The following ARHGAP32 variants were observed in gnomAD, a reference collection of about 807,000 sequenced individuals.
The protein encoded by ARHGAP32 is rho GTPase-activating protein 32.
Under a neutral mutation model 186.5 loss-of-function variants are expected in ARHGAP32, and 51 were observed. The ratio of observed to expected loss-of-function variants is 0.27; its 90% CI spans 0.22 to 0.35. The LOEUF is 0.35. ARHGAP32 is among the 10% of genes least tolerant of loss of function. ARHGAP32 has a pLI of 1.00. For missense variants in ARHGAP32, 2,186 were observed against 2,623.5 expected (o/e 0.83, Z 3.64); for synonymous variants, 950 against 964.3 (o/e 0.99, Z 0.27).
At chr11:129,155,138 T>C (rs1050282576) in intron 2 of ARHGAP32, among the ~76,000 whole-genome samples, 8 of 152,212 alleles carry the variant, frequency 5.3e-5, no homozygotes, top group Non-Finnish European at 1.2e-4. Context: ...GTTTTCACAA[T>C]AGAATGGCAG....
chr11:128,971,840 G>A (rs1392810232), intron 22 of ARHGAP32: 1 of 152,242 alleles, frequency 6.6e-6, no homozygotes, highest in Non-Finnish European at 1.5e-5. Flanking sequence ...TAAAATATGA[G>A]GAAATTCAGG....
At chr11:129,234,150 A>G (rs1944895357) in intron 1 of ARHGAP32, among the ~76,000 whole-genome samples, 1 of 152,112 alleles carries the variant, frequency 6.6e-6, no homozygotes, top group Non-Finnish European at 1.5e-5. Flanking sequence ...GCAATAATTC[A>G]AAGAAGAGAT....
intron 1 of ARHGAP32, among the ~76,000 whole-genome samples, chr11:129,171,468 A>G (rs915904023): frequency 6.6e-6 from 1 of 152,160 alleles, no homozygotes; most frequent in African/African-American, 2.4e-5. Context: ...TTTGTCAAAG[A>G]TCAGAGGGTT....
At chr11:129,208,738 A>C (rs1944545791) in intron 1 of ARHGAP32, among the ~76,000 whole-genome samples, 1 of 151,884 alleles carries the variant, frequency 6.6e-6, no homozygotes, top group Admixed American at 6.6e-5. Context: ...ATAAATTACA[A>C]AATACATACC....
intron 15 of ARHGAP32, 96 bp downstream of exon 15, chr11:128,985,907 C>A: frequency 2.3e-6 from 1 of 432,744 alleles, no homozygotes; most frequent in Non-Finnish European, 3.9e-6. Flanking sequence ...TTAATTAGAA[C>A]TCCAAGGAAG....
intron 11 of ARHGAP32, among the ~76,000 whole-genome samples, chr11:129,011,603 A>G (rs1680004177): frequency 6.6e-6 from 1 of 152,140 alleles, no homozygotes; most frequent in South Asian, 2.1e-4. Flanking sequence ...CAGAATAGAG[A>G]GTTTACAAAT....
At chr11:129,057,069 A>G (rs1940283480) in intron 10 of ARHGAP32, among the ~76,000 whole-genome samples, 1 of 152,122 alleles carries the variant, frequency 6.6e-6, no homozygotes, top group Non-Finnish European at 1.5e-5. Context: ...CAGGGTTCAC[A>G]TGTAACCAGA....
At chr11:129,026,801 G>A (rs370312809) in intron 11 of ARHGAP32, among the ~76,000 whole-genome samples, 70 of 109,340 alleles carry the variant, frequency 6.4e-4, no homozygotes, top group East Asian at 1.3e-3. Context: ...CTCCATCTTG[G>A]AAAAAAAAAA....
At chr11:129,277,639 C>A (rs1458491327) in intron 1 of ARHGAP32, among the ~76,000 whole-genome samples, 1 of 152,128 alleles carries the variant, frequency 6.6e-6, no homozygotes, top group Admixed American at 6.5e-5. Flanking sequence ...GACCACGGTA[C>A]GAAGATAACT....
intron 11 of ARHGAP32, chr11:129,023,797 A>G (rs1349924328): frequency 2.9e-6 from 2 of 697,890 alleles, no homozygotes; most frequent in Non-Finnish European, 3.5e-6. Context: ...ACATAGTTTC[A>G]GTGAAAAATT....
intron 1 of ARHGAP32, among the ~76,000 whole-genome samples, chr11:129,267,065 G>A (rs1445210812): frequency 1.3e-5 from 2 of 152,178 alleles, no homozygotes; most frequent in Admixed American, 1.3e-4. Context: ...AAGACCTCAG[G>A]TCAGAGGCTG....
At chr11:129,121,319 C>T (rs1467219143) in intron 5 of ARHGAP32, among the ~76,000 whole-genome samples, 2 of 152,022 alleles carry the variant, frequency 1.3e-5, no homozygotes, top group East Asian at 1.9e-4. Context: ...TTTTGCTACA[C>T]AACTTAGTTA....
At position 129,124,811 on chromosome 11, in the gene ARHGAP32, A is replaced by G. The variant is rs1389917618; in HGVS notation, c.309T>C (p.His103=). 6.3e-7 allele frequency: 1 copy of G among 1,599,130 alleles called. No individual in the cohort carries two copies. The highest frequency in any genetic ancestry group is 1.1e-5 in the South Asian group (1 of 87,968). Residue 103 remains histidine (H), a synonymous_variant, in exon 3 of 23, where the codon CAT becomes CAC. Coordinates refer to ENST00000682385, the MANE Select transcript of ARHGAP32 (RefSeq NM_001378024.1). ...TGTAAAGTTATACTCACTTTTTCAC[A>G]TGCTTAACCTTCATACTGGCTGTAC... The part of the protein sequence containing the change: ...CGSTASMKVK[H]VKKSTTPGLM...
chr11:129,232,954 A>C (rs1944877855), intron 1 of ARHGAP32, among the ~76,000 whole-genome samples: 1 of 152,160 alleles, frequency 6.6e-6, no homozygotes, highest in African/African-American at 2.4e-5. Context: ...TGCAGATGGA[A>C]TTGTTCTCTA....
chr11:129,268,119 C>T (rs895902153), intron 1 of ARHGAP32, among the ~76,000 whole-genome samples: 4 of 152,108 alleles, frequency 2.6e-5, no homozygotes, highest in Non-Finnish European at 5.9e-5. Context: ...TGTATCCCTA[C>T]CCCGAGTCCC....
At chr11:129,116,287 T>C (rs186686545) in intron 5 of ARHGAP32, among the ~76,000 whole-genome samples, 2 of 152,172 alleles carry the variant, frequency 1.3e-5, no homozygotes, top group Admixed American at 1.3e-4. Context: ...GACTCCACTA[T>C]AGATATATTT....
chr11:129,267,849 T>C (rs1404618391), intron 1 of ARHGAP32, among the ~76,000 whole-genome samples: 1 of 152,142 alleles, frequency 6.6e-6, no homozygotes, highest in Admixed American at 6.5e-5. Context: ...AGCCAGCATG[T>C]GCAGAGATCA....
intron 11 of ARHGAP32, among the ~76,000 whole-genome samples, chr11:129,000,997 A>G (rs945766612): frequency 6.6e-6 from 1 of 152,052 alleles, no homozygotes; most frequent in Non-Finnish European, 1.5e-5. Context: ...CCCATTGTGT[A>G]TATGTACCAC....
chr11:129,074,292 G>C (rs1397356826), intron 6 of ARHGAP32, among the ~76,000 whole-genome samples: 1 of 151,974 alleles, frequency 6.6e-6, no homozygotes, highest in East Asian at 1.9e-4. Context: ...TGTGTATGGA[G>C]GTATGTGTAT....
Sources: gnomAD v4.1 joint callset for allele counts (sites outside exome capture counted in the v4.1 genomes callset) on GRCh38, gnomAD v4.1.1 for gene constraint, MANE v1.5 for transcripts, NCBI Gene and HGNC (gene_info 2026-07-23, HGNC 2026-07-21) for gene names.